The following RECK variants were observed in gnomAD, a reference collection of about 807,000 sequenced individuals.
RECK encodes reversion inducing cysteine rich protein with kazal motifs, also known as reversion-inducing cysteine-rich protein with Kazal motifs.
In RECK, 69 loss-of-function variants were observed where a neutral mutation model predicts 115.1. The observed-to-expected ratio is 0.60, with a 90% confidence interval of 0.49 to 0.73. The LOEUF is 0.73. Ranked by LOEUF, RECK falls within the 30% of genes least tolerant of loss-of-function variation. The probability of loss-of-function intolerance (pLI) is 0.00; values close to 1 mark genes in which losing one functional copy is unlikely to be tolerated. For synonymous variants in RECK, 414 were observed against 419.7 expected (o/e 0.99, Z 0.17); for missense variants, 1,047 against 1,203.7 (o/e 0.87, Z 1.93).
chr9:36,107,574 C>T (rs1259401621), intron 13 of RECK, among the ~76,000 whole-genome samples: 2 of 145,862 alleles, frequency 1.4e-5, no homozygotes, highest in Non-Finnish European at 3.0e-5. Context: ...CACTACACTC[C>T]AGCCTGGGCA....
At chr9:36,049,732 T>C (rs1436508098) in intron 1 of RECK, among the ~76,000 whole-genome samples, 2 of 152,212 alleles carry the variant, frequency 1.3e-5, no homozygotes, top group Admixed American at 1.3e-4. Context: ...TCAAATTATT[T>C]ATTATACAGT....
chr9:36,084,021 G>A (rs1338182405), intron 8 of RECK, among the ~76,000 whole-genome samples: 1 of 152,066 alleles, frequency 6.6e-6, no homozygotes, highest in Non-Finnish European at 1.5e-5. Context: ...ATACAGCATT[G>A]ATTAAAATTG....
At position 36,120,730 on chromosome 9, in the gene RECK, T is replaced by G. The variant is rs746630716; in HGVS notation, c.2532T>G (p.Ile844Met). 6.2e-7 allele frequency: 1 copy of G among 1,602,118 alleles called. No individual in the cohort carries two copies. The highest frequency in any genetic ancestry group is 8.6e-7 in the Non-Finnish European group (1 of 1,169,046). The change falls in exon 19 of 21, where the codon ATT becomes ATG. Residue 844 changes from isoleucine (I) to methionine (M), a missense_variant. By Grantham distance (10) the Ile-to-Met change is conservative (BLOSUM62 1). Coordinates refer to ENST00000377966, the MANE Select transcript of RECK (RefSeq NM_021111.3). ...VLFDKEKLDT[I>M]AKVTNKKPIT... ...TTGACAAAGAAAAACTGGATACTATTGCTAAGGTAAATTGCTTTATATTCA... is the reference window on the plus strand; with the variant it reads ...TTGACAAAGAAAAACTGGATACTATGGCTAAGGTAAATTGCTTTATATTCA...
At chr9:36,042,259 G>T (rs1236912858) in intron 1 of RECK, among the ~76,000 whole-genome samples, 1 of 151,764 alleles carries the variant, frequency 6.6e-6, no homozygotes, top group African/African-American at 2.4e-5. Context: ...TTGTTCTTAT[G>T]CCTTTGTGTC....
intron 1 of RECK, among the ~76,000 whole-genome samples, chr9:36,039,791 G>A (rs1820805661): frequency 1.3e-5 from 2 of 152,196 alleles, no homozygotes; most frequent in African/African-American, 2.4e-5. Flanking sequence ...GTTAGAAAAA[G>A]CAAACGCCTA....
intron 15 of RECK, among the ~76,000 whole-genome samples, 186 bp downstream of exon 15, chr9:36,110,265 C>T (rs1032168189): frequency 6.6e-6 from 1 of 152,208 alleles, no homozygotes; most frequent in Non-Finnish European, 1.5e-5. Flanking sequence ...AGGTATTATA[C>T]TAAATGGTGT....
rs556053015 is a variant in RECK at position 36,121,782 on chromosome 9, C to G, written c.2694+94C>G. On this transcript the variant is annotated intron_variant, in intron 20 of 20. Coordinates refer to ENST00000377966, the MANE Select transcript of RECK (RefSeq NM_021111.3). ...CACAAACTAGGACCGAGGAAGGATC[C>G]GTGGGTGAGGGAGTGGAGGCATTTG... The G allele has an allele frequency of 3.6e-5, 49 of 1,348,544 alleles. 1 individual carries two copies. The South Asian group carries it at 6.2e-4, about 17-fold the overall frequency. The allele number at this position is 1,348,544 out of a possible 1,614,324, so 83.5% of individuals were successfully genotyped here.
At chr9:36,088,756 T>C (rs959510248) in intron 9 of RECK, among the ~76,000 whole-genome samples, 3 of 152,230 alleles carry the variant, frequency 2.0e-5, no homozygotes, top group African/African-American at 7.2e-5. Context: ...CGGTGGCTCA[T>C]GCCTGTAATC....
chr9:36,064,298 T>C (rs1821903378), intron 5 of RECK, among the ~76,000 whole-genome samples: 1 of 152,210 alleles, frequency 6.6e-6, no homozygotes, highest in Non-Finnish European at 1.5e-5. Context: ...TGTGTTCTTA[T>C]ATCCCTTCTC....
chr9:36,080,194 A>G (rs916754460), intron 6 of RECK, among the ~76,000 whole-genome samples: 3 of 152,234 alleles, frequency 2.0e-5, no homozygotes, highest in Non-Finnish European at 4.4e-5. Flanking sequence ...ACAAGTAGAG[A>G]TAATGTCTAA....
intron 7 of RECK, among the ~76,000 whole-genome samples, chr9:36,081,408 C>G (rs1822684407): frequency 1.3e-5 from 2 of 152,296 alleles, no homozygotes; most frequent in Middle Eastern, 3.4e-3. Flanking sequence ...AAAAAGCCAG[C>G]TGAATGGAGG....
chr9:36,109,595 G>C (rs1001811161), intron 14 of RECK, among the ~76,000 whole-genome samples: 1 of 152,180 alleles, frequency 6.6e-6, no homozygotes, highest in Non-Finnish European at 1.5e-5. Flanking sequence ...TGTTATCCCA[G>C]AACTTTGGTA....
At chr9:36,089,254 T>C (rs1564122887) in intron 9 of RECK, among the ~76,000 whole-genome samples, 1 of 152,160 alleles carries the variant, frequency 6.6e-6, no homozygotes, top group Non-Finnish European at 1.5e-5. Flanking sequence ...TACACCTACG[T>C]AGAGTCACTA....
At chr9:36,095,999 C>T (rs11534200) in intron 10 of RECK, among the ~76,000 whole-genome samples, 44,529 of 145,802 alleles carry the variant, frequency 0.31, 8,042 homozygotes, top group Middle Eastern at 0.48. Context: ...ACCTGGGAGG[C>T]GGAGGTTGCA....
At chr9:36,050,853 T>C (rs930298664) in intron 1 of RECK, among the ~76,000 whole-genome samples, 1 of 152,174 alleles carries the variant, frequency 6.6e-6, no homozygotes, top group African/African-American at 2.4e-5. Flanking sequence ...TTATGGTATC[T>C]GCTTGAGTGA....
intron 4 of RECK, among the ~76,000 whole-genome samples, chr9:36,062,376 A>C (rs1821809809): frequency 6.6e-6 from 1 of 152,088 alleles, no homozygotes; most frequent in African/African-American, 2.4e-5. Flanking sequence ...GGTCAGCCTG[A>C]TCTTGAACTC....
chr9:36,113,805 TA>T (rs1026967780), intron 16 of RECK, among the ~76,000 whole-genome samples: 1 of 152,128 alleles, frequency 6.6e-6, no homozygotes, highest in Non-Finnish European at 1.5e-5. Context: ...AATAACCTAA[TA>T]GAAAAATGGA....
chr9:36,045,527 G>GTA (rs543561223), intron 1 of RECK, among the ~76,000 whole-genome samples: 3 of 150,534 alleles, frequency 2.0e-5, no homozygotes, highest in East Asian at 3.9e-4. Context: ...ATATGTGTGT[G>GTA]TATATATATA....
chr9:36,121,701 C>T lies in RECK; in HGVS notation c.2694+13C>T. 2 of 1,612,140 alleles carry T rather than the reference C, an allele frequency of 1.2e-6. No homozygotes were observed. The highest frequency in any genetic ancestry group is 2.2e-5 in the East Asian group (1 of 44,840). On this transcript the variant is annotated intron_variant, in intron 20 of 20. Transcript: ENST00000377966. Reference sequence around the variant, plus strand: ...AAAAGCTCTGCAGGTGAGTTCAGCACATGTTGTGAAGCCATCTTGTCACTT... The same window carrying T: ...AAAAGCTCTGCAGGTGAGTTCAGCATATGTTGTGAAGCCATCTTGTCACTT...
Sources: allele counts gnomAD v4.1 joint callset (sites outside exome capture counted in the v4.1 genomes callset), GRCh38; gene constraint gnomAD v4.1.1; transcripts MANE v1.5; gene names NCBI Gene and HGNC (gene_info 2026-07-23, HGNC 2026-07-21).